The following HPSE2 variants were observed in gnomAD, a reference collection of about 807,000 sequenced individuals.
The protein encoded by HPSE2 is heparanase 2 (inactive), also known as inactive heparanase-2.
Under a neutral mutation model 60.5 loss-of-function variants are expected in HPSE2, and 38 were observed. The observed-to-expected ratio is 0.63, with a 90% CI of 0.48 to 0.82. The LOEUF is 0.82. Ranked by LOEUF, HPSE2 falls within the 40% of genes least tolerant of loss-of-function variation. HPSE2 has a pLI of 0.00. For synonymous variants in HPSE2, 295 were observed against 293.2 expected (o/e 1.01, Z -0.06); for missense variants, 713 against 740.4 (o/e 0.96, Z 0.43).
intron 6 of HPSE2, 77 bp downstream of exon 6, chr10:98,693,823 T>C (rs1231389178): frequency 1.4e-5 from 16 of 1,149,226 alleles, no homozygotes; most frequent in Non-Finnish European, 1.9e-5. Context: ...ATGTCAGTTA[T>C]GAACTTAGTG....
intron 11 of HPSE2, among the ~76,000 whole-genome samples, chr10:98,467,661 TC>T (rs1455041997): frequency 6.6e-6 from 1 of 152,096 alleles, no homozygotes. Flanking sequence ...CAGTCTGACT[TC>T]GGGGTGGCAC....
At chr10:98,906,702 G>A (rs1478212859) in intron 3 of HPSE2, among the ~76,000 whole-genome samples, 2 of 152,050 alleles carry the variant, frequency 1.3e-5, no homozygotes, top group East Asian at 1.9e-4. Context: ...TCAAGAGATC[G>A]AGACCATTCT....
chr10:99,062,620 C>G (rs1293239116), intron 3 of HPSE2, among the ~76,000 whole-genome samples: 1 of 152,070 alleles, frequency 6.6e-6, no homozygotes, highest in Non-Finnish European at 1.5e-5. Flanking sequence ...AACCTTATAT[C>G]TGGAATCAAG....
chr10:98,976,063 T>A (rs1339581029), intron 3 of HPSE2, among the ~76,000 whole-genome samples: 3 of 152,174 alleles, frequency 2.0e-5, no homozygotes, highest in Admixed American at 2.0e-4. Context: ...TTATATCATA[T>A]CACAGCTCCA....
intron 2 of HPSE2, among the ~76,000 whole-genome samples, chr10:99,210,631 A>T (rs1374156929): frequency 6.6e-6 from 1 of 152,222 alleles, no homozygotes; most frequent in African/African-American, 2.4e-5. Context: ...CAAATCAATA[A>T]ATGTGTTACA....
chr10:99,276,747 C>T, the HPSE2 span, among the ~76,000 whole-genome samples: 241 of 152,132 alleles, frequency 1.6e-3, 1 homozygote, highest in African/African-American at 5.2e-3. Context: ...CAGGCAAATT[C>T]TTTTTTATTC....
At chr10:98,643,781 A>G (rs1288908147) in intron 6 of HPSE2, among the ~76,000 whole-genome samples, 1 of 152,206 alleles carries the variant, frequency 6.6e-6, no homozygotes, top group Non-Finnish European at 1.5e-5. Flanking sequence ...TTAAAATTAA[A>G]AATAATTTAT....
intron 9 of HPSE2, among the ~76,000 whole-genome samples, chr10:98,613,319 T>C (rs947828032): frequency 6.6e-6 from 1 of 152,246 alleles, no homozygotes; most frequent in African/African-American, 2.4e-5. Context: ...TATGGTTCCA[T>C]GCTGAAAACT....
chr10:98,913,146 AATAAAT>A (rs1200928970), intron 3 of HPSE2, among the ~76,000 whole-genome samples: 1 of 152,226 alleles, frequency 6.6e-6, no homozygotes, highest in Admixed American at 6.5e-5. Flanking sequence ...AAATTTTCAA[AATAAAT>A]ATATTCAAAA....
chr10:99,123,976 G>T (rs2135717912), intron 3 of HPSE2, among the ~76,000 whole-genome samples: 1 of 152,182 alleles, frequency 6.6e-6, no homozygotes, highest in Non-Finnish European at 1.5e-5. Context: ...CAGCAGAGAG[G>T]AGACCCAGAG....
intron 2 of HPSE2, among the ~76,000 whole-genome samples, chr10:99,153,580 T>C (rs1846382046): frequency 6.6e-6 from 1 of 151,444 alleles, no homozygotes; most frequent in Admixed American, 6.6e-5. Flanking sequence ...AGAAAGGACA[T>C]CCACACCAAA....
At chr10:99,291,755 CCAGA>C in the HPSE2 span, among the ~76,000 whole-genome samples, 1 of 152,066 alleles carries the variant, frequency 6.6e-6, no homozygotes, top group Non-Finnish European at 1.5e-5. Context: ...GGCCCATCAC[CCAGA>C]CAAACTCAGA....
At chr10:99,009,392 C>T (rs1956962810) in intron 3 of HPSE2, among the ~76,000 whole-genome samples, 1 of 152,076 alleles carries the variant, frequency 6.6e-6, no homozygotes, top group Non-Finnish European at 1.5e-5. Context: ...TGCACTCCTG[C>T]CTGGATGACA....
At chr10:98,978,100 G>A (rs937292843) in intron 3 of HPSE2, among the ~76,000 whole-genome samples, 8 of 151,924 alleles carry the variant, frequency 5.3e-5, no homozygotes, top group South Asian at 2.1e-4. Context: ...TTTGAAACAC[G>A]CTTAATTCCA....
chr10:99,206,942 T>C (rs150420456), intron 2 of HPSE2, among the ~76,000 whole-genome samples: 3 of 151,994 alleles, frequency 2.0e-5, no homozygotes, highest in Non-Finnish European at 2.9e-5. Flanking sequence ...TTTTTAGGTA[T>C]AAGAGTTCAA....
chr10:98,797,671 G>A (rs983236996), intron 3 of HPSE2, among the ~76,000 whole-genome samples: 2 of 151,750 alleles, frequency 1.3e-5, no homozygotes, highest in Non-Finnish European at 2.9e-5. Flanking sequence ...GTGAAACCCC[G>A]TCTCTACTAA....
intron 6 of HPSE2, among the ~76,000 whole-genome samples, chr10:98,668,879 G>A (rs534955): frequency 0.19 from 28,284 of 151,986 alleles, 3,116 homozygotes; most frequent in East Asian, 0.34. Flanking sequence ...AACCAATTGC[G>A]ACAAAAACAA....
At chr10:98,654,633 C>T (rs1429383315) in intron 6 of HPSE2, among the ~76,000 whole-genome samples, 3 of 152,140 alleles carry the variant, frequency 2.0e-5, no homozygotes, top group Non-Finnish European at 2.9e-5. Context: ...TGCATGTTGT[C>T]TACTTCCATT....
At chr10:98,958,840 T>C (rs1208686255) in intron 3 of HPSE2, among the ~76,000 whole-genome samples, 1 of 152,182 alleles carries the variant, frequency 6.6e-6, no homozygotes, top group Non-Finnish European at 1.5e-5. Context: ...AAATTCCTAT[T>C]ATACCTCACC....
Sources: allele counts gnomAD v4.1 joint callset (sites outside exome capture counted in the v4.1 genomes callset), GRCh38; gene constraint gnomAD v4.1.1; transcripts MANE v1.5; gene names NCBI Gene and HGNC (gene_info 2026-07-23, HGNC 2026-07-21).